Variants in ZFX observed in about 807,000 individuals in gnomAD.
ZFX encodes zinc finger protein X-linked.
For missense variants in ZFX, 362 were observed against 628.3 expected, an observed-to-expected ratio of 0.58 and a Z score of 4.53; for synonymous variants, 196 against 226.8, an observed-to-expected ratio of 0.86 and a Z score of 1.22.
At chrX:24,195,027 C>T (rs1936808510) in intron 5 of ZFX, among the ~76,000 whole-genome samples, 1 of 111,203 alleles carries the variant, frequency 9.0e-6, no homozygotes, top group East Asian at 2.8e-4. Flanking sequence ...GGATTACAGG[C>T]GTGAGCCACT....
chrX:24,194,430 A>C (rs1049162874), intron 5 of ZFX, among the ~76,000 whole-genome samples: 3 of 111,119 alleles, frequency 2.7e-5, no homozygotes, highest in African/African-American at 9.8e-5. Flanking sequence ...CCCACATCCC[A>C]AAGCTGTGCA....
intron 1 of ZFX, chrX:24,150,156 G>C (rs1931832266): frequency 1.2e-5 from 1 of 86,661 alleles, no homozygotes; most frequent in Admixed American, 1.4e-4. Flanking sequence ...CGGCCGGGCC[G>C]ATTTTCGCTA....
chrX:24,150,182 G>A (rs1480968170), intron 1 of ZFX: 1 of 88,017 alleles, frequency 1.1e-5, no homozygotes, highest in East Asian at 3.2e-4. Context: ...ATATCGGTGA[G>A]GGGGGGGGAG....
chrX:24,192,323 G>A (rs913282223), intron 5 of ZFX, among the ~76,000 whole-genome samples: 1 of 111,648 alleles, frequency 9.0e-6, no homozygotes, highest in Non-Finnish European at 1.9e-5. Context: ...GCCCCTTGAG[G>A]TAACTTACTT....
At chrX:24,174,350 C>T (rs1489587749) in intron 4 of ZFX, among the ~76,000 whole-genome samples, 1 of 110,749 alleles carries the variant, frequency 9.0e-6, no homozygotes, top group Non-Finnish European at 1.9e-5. Context: ...AAAGAAATAG[C>T]AATCAACTTT....
At chrX:24,175,268 A>G (rs1045911133) in intron 4 of ZFX, 2 of 112,278 alleles carry the variant, frequency 1.8e-5, no homozygotes, top group African/African-American at 6.5e-5. Context: ...TTGAAGGGCT[A>G]TTGCGTTTTA....
chrX:24,172,992 A>G (rs1934769833), intron 4 of ZFX, 192 bp downstream of exon 4: 1 of 333,907 alleles, frequency 3.0e-6, no homozygotes, highest in East Asian at 4.7e-5. Context: ...CAACTCTCAT[A>G]TTCTTGTCAG....
chrX:24,209,765 G>T (rs761987753), intron 9 of ZFX, among the ~76,000 whole-genome samples: 1 of 110,184 alleles, frequency 9.1e-6, no homozygotes, highest in African/African-American at 3.3e-5. Context: ...TAGTAGAGGC[G>T]GGTTTTCAGC....
intron 3 of ZFX, among the ~76,000 whole-genome samples, chrX:24,162,920 C>T (rs1440417889): frequency 1.8e-5 from 2 of 111,387 alleles, no homozygotes; most frequent in African/African-American, 3.3e-5. Context: ...TTGTTCCTGA[C>T]GTTTCATATA....
At chrX:24,209,301 A>G (rs1937867122) in intron 9 of ZFX, among the ~76,000 whole-genome samples, 1 of 112,649 alleles carries the variant, frequency 8.9e-6, no homozygotes, top group Non-Finnish European at 1.9e-5. Context: ...ATGGAATGAA[A>G]TCCCTCAAAT....
At chrX:24,190,000 G>A (rs1251732614) in intron 5 of ZFX, among the ~76,000 whole-genome samples, 1 of 112,270 alleles carries the variant, frequency 8.9e-6, no homozygotes, top group Non-Finnish European at 1.9e-5. Flanking sequence ...TCTGAAATGT[G>A]AGAAAAGTGT....
rs763820951 is a variant in ZFX at position 24,211,407 on chromosome X, T to C, written c.*31T>C. 31 of 1,200,127 alleles carry C rather than the reference T, an allele frequency of 2.6e-5. No homozygotes were observed. Among genetic ancestry groups the C allele is most frequent in the Non-Finnish European group, 3.0e-5 (27 of 888,071 alleles). ...CTTCTACAGAACGTTTGTAGAGATA[T>C]TGGCCTTGAAGCAGAAAATTCATTT... On this transcript the variant is annotated 3_prime_UTR_variant, in exon 10 of 10. Coordinates refer to ENST00000304543, the MANE Select transcript of ZFX (RefSeq NM_003410.4).
rs1198243760 is a variant in ZFX at position 24,173,457 on chromosome X, C to T, written c.58+657C>T. 3.7e-6 allele frequency: 3 copies of T among 818,414 alleles called. No individual in the cohort carries two copies. In the African/African-American group the frequency reaches 6.4e-5, roughly 18 times the overall value. The allele number at this position is 818,414 out of a possible 1,213,427, so 67.4% of individuals were successfully genotyped here. A position where few individuals can be genotyped will look rare whatever the true frequency, so the allele number is the denominator to read the frequency against. On this transcript the variant is annotated intron_variant, in intron 4 of 9. Coordinates refer to ENST00000304543, the MANE Select transcript of ZFX (RefSeq NM_003410.4). ...TCAGGAAGATGGAGTCTTCACTCCC[C>T]ATAGTGTACAAGGAAAAATTATACT...
intron 3 of ZFX, chrX:24,161,760 A>C (rs1392164363): frequency 9.5e-6 from 1 of 105,350 alleles, no homozygotes; most frequent in Non-Finnish European, 1.9e-5. Flanking sequence ...GCAGTGGTGC[A>C]AATTTGGCTC....
At chrX:24,162,363 C>A (rs1282913306) in intron 3 of ZFX, among the ~76,000 whole-genome samples, 4 of 112,384 alleles carry the variant, frequency 3.6e-5, no homozygotes, top group African/African-American at 1.3e-4. Flanking sequence ...CTTATGAATT[C>A]ATACCGATAA....
intron 4 of ZFX, among the ~76,000 whole-genome samples, chrX:24,174,390 A>G (rs1300304805): frequency 1.1e-5 from 1 of 93,965 alleles, no homozygotes; most frequent in Non-Finnish European, 2.1e-5. Context: ...GTGATTTTAA[A>G]TTAAAATTTT....
At chrX:24,163,915 G>A (rs1444460380) in intron 3 of ZFX, among the ~76,000 whole-genome samples, 6 of 103,267 alleles carry the variant, frequency 5.8e-5, no homozygotes, top group African/African-American at 2.1e-4. Flanking sequence ...TACATTTTCC[G>A]TCACTGTGCT....
At chrX:24,186,972 C>T (rs1936168567) in intron 5 of ZFX, among the ~76,000 whole-genome samples, 1 of 112,030 alleles carries the variant, frequency 8.9e-6, no homozygotes, top group Non-Finnish European at 1.9e-5. Context: ...GTACATCATG[C>T]CTCATCCAAG....
chrX:24,164,088 T>C (rs762573193), intron 3 of ZFX, among the ~76,000 whole-genome samples: 1 of 109,225 alleles, frequency 9.2e-6, no homozygotes, highest in African/African-American at 3.3e-5. Flanking sequence ...TGGAAAAAGC[T>C]TGGTTTGGAG....
Sources: gnomAD v4.1 joint callset for allele counts (sites outside exome capture counted in the v4.1 genomes callset) on GRCh38, gnomAD v4.1.1 for gene constraint, MANE v1.5 for transcripts, NCBI Gene and HGNC (gene_info 2026-07-23, HGNC 2026-07-21) for gene names.